Variants in CTSW observed in about 807,000 individuals in gnomAD.
CTSW encodes cathepsin W.
Under a neutral mutation model 43.8 loss-of-function variants are expected in CTSW, and 42 were observed. That is an observed-to-expected ratio of 0.96 (90% CI 0.75 to 1.24). The LOEUF is 1.24. Ranked by LOEUF, CTSW falls within the 50% of genes most tolerant of loss-of-function variation. The probability of loss-of-function intolerance (pLI) is 0.00; values close to 1 mark genes in which losing one functional copy is unlikely to be tolerated. For missense variants in CTSW, 475 were observed against 479.9 expected (o/e 0.99, Z 0.09); for synonymous variants, 191 against 184.8 (o/e 1.03, Z -0.27).
At chr11:65,880,844 C>T (rs1381198627) in intron 2 of CTSW, among the ~76,000 whole-genome samples, 3 of 152,308 alleles carry the variant, frequency 2.0e-5, no homozygotes, top group Non-Finnish European at 2.9e-5. Context: ...CACTTCCCTG[C>T]GATTCTAGGC....
Position 65,883,544 on chromosome 11 carries a change from G to C in CTSW, c.1057G>C (p.Gly353Arg), listed in dbSNP as rs146793613. Residue 353 changes from glycine (G) to arginine (R), a missense_variant, in exon 10 of 10, where the codon GGC (glycine) becomes CGC (arginine). Physicochemically the swap from Gly to Arg is moderately radical, Grantham distance 125. Transcript: ENST00000307886. Reference protein sequence around the residue: ...FRLHRGSNTCGITKFPLTARV... With the variant: ...FRLHRGSNTCRITKFPLTARV... The stretch of plus-strand genomic sequence containing the variant: ...GCTGCACCGAGGGAGCAATACCTGT[G>C]GCATCACCAAGTTCCCGCTCACTGC... 6 of 1,613,940 alleles carry C rather than the reference G, an allele frequency of 3.7e-6. No individual in the cohort carries two copies. The African/African-American group carries it at 6.7e-5, about 18-fold the overall frequency.
chr11:65,880,175 C>T, intron 1 of CTSW, 27 bp from the exon 2 acceptor site: 1 of 1,598,268 alleles, frequency 6.3e-7, no homozygotes, highest in African/African-American at 1.3e-5. Flanking sequence ...TGCCCACTGC[C>T]CCTCTCCACC....
At chr11:65,881,629 A>T in intron 3 of CTSW, 109 bp downstream of exon 3, 2 of 720,702 alleles carry the variant, frequency 2.8e-6, no homozygotes. Flanking sequence ...AGGGAAGGAA[A>T]TTCATTTCCC....
intron 3 of CTSW, 69 bp downstream of exon 3, chr11:65,881,589 G>C (rs1860106434): frequency 9.9e-7 from 1 of 1,014,894 alleles, no homozygotes; most frequent in Admixed American, 2.6e-5. Context: ...CTGGCAGCTG[G>C]ACCCAGCGGA....
rs774219348 is a variant in CTSW at position 65,879,922 on chromosome 11, G to C, written c.68G>C (p.Arg23Thr). The change falls in exon 1 of 10, where the codon AGA (arginine) becomes ACA (threonine). Residue 23 changes from arginine (R) to threonine (T), a missense_variant. By Grantham distance (71) the Arg-to-Thr change is moderately conservative. Transcript: ENST00000307886. Reference protein sequence around the residue: ...LLVAGLAQGIRGPLRAQDLGP... With the variant: ...LLVAGLAQGITGPLRAQDLGP... Reference sequence around the variant, plus strand: ...GTGGCAGGCCTAGCCCAAGGCATCAGAGGCCCCCTTAGGGCCCAGGTAAGT... The same window carrying C: ...GTGGCAGGCCTAGCCCAAGGCATCACAGGCCCCCTTAGGGCCCAGGTAAGT... The C allele has an allele frequency of 6.2e-6, 10 of 1,613,492 alleles. No individual in the cohort carries two copies. The East Asian group carries it at 1.3e-4, about 22-fold the overall frequency.
At chr11:65,880,009 C>T (rs79235845) in intron 1 of CTSW, 68 bp downstream of exon 1, 7 of 1,407,452 alleles carry the variant, frequency 5.0e-6, no homozygotes, top group South Asian at 2.4e-5. Flanking sequence ...AAACAGCTGG[C>T]CTGTCATTCT....
chr11:65,882,260 A>G lies in CTSW; in HGVS notation c.372A>G (p.Pro124=). Residue 124 remains proline (P), a synonymous_variant, in exon 4 of 10, where the codon CCA becomes CCG. Transcript: ENST00000307886. ...GCAGAGAAATAAGGTCTGAAGAGCC[A>G]GAGGAGTCAGTACCTTTCAGCTGTG... is the stretch of plus-strand genomic sequence containing the variant. ...SMGREIRSEE[P]EESVPFSCDW... is the part of the protein sequence containing the mutation. The G allele has an allele frequency of 6.2e-7, 1 of 1,614,210 alleles. No individual in the cohort carries two copies. The highest frequency in any genetic ancestry group is 1.6e-4 in the Middle Eastern group (1 of 6,062).
chr11:65,880,934 ACTT>A (rs1265281318), intron 2 of CTSW, among the ~76,000 whole-genome samples: 3 of 151,936 alleles, frequency 2.0e-5, no homozygotes, highest in African/African-American at 4.8e-5. Context: ...CACATTGGGG[ACTT>A]CTTCTCTAGC....
rs35994027 is a variant in CTSW, at chr11:65,882,370, G to A, written c.441+41G>A. On this transcript the variant is annotated intron_variant, in intron 4 of 9. Transcript: ENST00000307886. Reference sequence around the variant, plus strand: ...CAGCTGGCTCTAATTCAGCTAAGTGGTGGGAGGGAGAGGGGCACGGCCCGA... The same window carrying A: ...CAGCTGGCTCTAATTCAGCTAAGTGATGGGAGGGAGAGGGGCACGGCCCGA... 1.9e-3 allele frequency: 3,001 copies of A among 1,613,840 alleles called. 5 individuals are homozygous for A. Among genetic ancestry groups the A allele is most frequent in the Non-Finnish European group, 2.3e-3 (2,662 of 1,179,788 alleles).
intron 2 of CTSW, among the ~76,000 whole-genome samples, chr11:65,880,778 C>T (rs1399124491): frequency 1.3e-5 from 2 of 152,186 alleles, no homozygotes; most frequent in South Asian, 4.1e-4. Flanking sequence ...ATCTGGAGGG[C>T]AGTGGCAGGA....
Position 65,880,033 on chromosome 11 carries a change from G to A in CTSW, c.87+92G>A, listed in dbSNP as rs911621660. Reference sequence around the variant, plus strand: ...GCCTGTCATTCTCATTTTTCAGAGGGAGTTGCTGAGGCTGGAGAGGGGGCT... The same window carrying A: ...GCCTGTCATTCTCATTTTTCAGAGGAAGTTGCTGAGGCTGGAGAGGGGGCT... On this transcript the variant is annotated intron_variant, in intron 1 of 9. Transcript: ENST00000307886. 3.1e-6 allele frequency: 4 copies of A among 1,305,040 alleles called. No homozygotes were observed. The South Asian group carries it at 3.8e-5, about 12-fold the overall frequency. 80.8% of individuals were successfully genotyped at this position (1,305,040 alleles called of 1,614,324 possible). A position where few individuals can be genotyped will look rare whatever the true frequency, so the allele number is the denominator to read the frequency against.
chr11:65,880,037 T>C (rs1242207354), intron 1 of CTSW, 96 bp downstream of exon 1: 1 of 1,291,776 alleles, frequency 7.7e-7, no homozygotes, highest in Non-Finnish European at 1.1e-6. Context: ...CAGAGGGAGT[T>C]GCTGAGGCTG....
chr11:65,883,684 G>A lies in CTSW; in HGVS notation c.*66G>A, dbSNP rs912455220. The stretch of plus-strand genomic sequence containing the variant: ...GCCTCCTTGCCAGCCCCACCCCCAG[G>A]TTTTTGCCCATCCTCCCAATCTCAA... On this transcript the variant is annotated 3_prime_UTR_variant, in exon 10 of 10. Coordinates refer to ENST00000307886, the MANE Select transcript of CTSW (RefSeq NM_001335.4). The A allele has an allele frequency of 2.7e-6, 4 of 1,464,896 alleles. No individual in the cohort carries two copies. In the African/African-American group the frequency reaches 5.5e-5, roughly 20 times the overall value. The allele number at this position is 1,464,896 out of a possible 1,614,324, so 90.7% of individuals were successfully genotyped here.
Position 65,882,505 on chromosome 11 carries a change from T to G in CTSW, c.517T>G (p.Phe173Val), listed in dbSNP as rs1328724762. The change falls in exon 5 of 10, where the codon TTT (phenylalanine) becomes GTT (valine). Residue 173 changes from phenylalanine to valine, a missense_variant. By Grantham distance (50) the Phe-to-Val change is conservative (BLOSUM62 -1). Transcript: ENST00000307886. ...CCTGTGGCGCATCAGTTTCTGGGAT[T>G]TTGTGGATGTCTCCGTGCAGGGTAG... ...ETLWRISFWDFVDVSVQELLD... is the reference protein window; with the variant it reads ...ETLWRISFWDVVDVSVQELLD... 2 of 1,614,160 alleles carry G rather than the reference T, an allele frequency of 1.2e-6. No individual in the cohort carries two copies. Among genetic ancestry groups the G allele is most frequent in the South Asian group, 2.2e-5 (2 of 91,078 alleles).
chr11:65,882,438 C>T lies in CTSW; in HGVS notation c.450C>T (p.Cys150=), dbSNP rs1403302181. The change falls in exon 5 of 10, where the codon TGC becomes TGT. Residue 150 remains cysteine (C), a synonymous_variant. Transcript: ENST00000307886. ...ACCCTCTCGCCCTCCAGAAAAACTGCAACTGCTGCTGGGCCATGGCAGCGG... is the reference window on the plus strand; with the variant it reads ...ACCCTCTCGCCCTCCAGAAAAACTGTAACTGCTGCTGGGCCATGGCAGCGG... The part of the protein sequence containing the change: ...AISPIKDQKN[C]NCCWAMAAAG... 3.1e-6 allele frequency: 5 copies of T among 1,614,172 alleles called. No individual in the cohort carries two copies. The highest frequency in any genetic ancestry group is 1.1e-5 in the South Asian group (1 of 91,070).
chr11:65,882,812 A>G lies in CTSW; in HGVS notation c.653A>G (p.Gln218Arg), dbSNP rs606830. ...GCCAGTGAAAAGGACTACCCGTTCC[A>G]GGGCAAAGTCAGAGCCCACAGGTGC... ...GLASEKDYPFQGKVRAHRCHP... is the reference protein window; with the variant it reads ...GLASEKDYPFRGKVRAHRCHP... The change falls in exon 7 of 10, where the codon CAG (glutamine) becomes CGG (arginine). Residue 218 changes from glutamine to arginine, a missense_variant. By Grantham distance (43) the Gln-to-Arg change is conservative. Coordinates refer to ENST00000307886, the MANE Select transcript of CTSW (RefSeq NM_001335.4). 3.7e-4 allele frequency: 598 copies of G among 1,614,060 alleles called. 1 individual carries two copies. Among genetic ancestry groups the G allele is most frequent in the Non-Finnish European group, 4.8e-4 (572 of 1,180,040 alleles).
In CTSW at chr11:65,879,919, T is replaced by C. The variant is rs1860084604; in HGVS notation, c.65T>C (p.Ile22Thr). The C allele has an allele frequency of 6.2e-7, 1 of 1,613,490 alleles. No homozygotes were observed. Among genetic ancestry groups the C allele is most frequent in the African/African-American group, 1.3e-5 (1 of 74,920 alleles). ...ALLVAGLAQG[I>T]RGPLRAQDLG... is the part of the protein sequence containing the mutation. ...TTGGTGGCAGGCCTAGCCCAAGGCA[T>C]CAGAGGCCCCCTTAGGGCCCAGGTA... The change falls in exon 1 of 10, where the codon ATC becomes ACC. Residue 22 changes from isoleucine to threonine, a missense_variant. Physicochemically the swap from Ile to Thr is moderately conservative, Grantham distance 89. Transcript: ENST00000307886.
At chr11:65,880,502 G>T (rs1204351135) in intron 2 of CTSW, 3 of 414,064 alleles carry the variant, frequency 7.2e-6, no homozygotes, top group Non-Finnish European at 1.3e-5. Context: ...TACATTTTTA[G>T]TAGAGATGGG....
Position 65,881,388 on chromosome 11 carries a change from C to T in CTSW, c.173-19C>T. 1.9e-6 allele frequency: 3 copies of T among 1,556,938 alleles called. No homozygotes were observed. The highest frequency in any genetic ancestry group is 2.6e-6 in the Non-Finnish European group (3 of 1,143,856). ...TAAGGGCTTGGGAGTCAGCCTAGGA[C>T]AACTCCCTTTTGGTCCAGAGCATGC... On this transcript the variant is annotated intron_variant, in intron 2 of 9. Coordinates refer to ENST00000307886, the MANE Select transcript of CTSW (RefSeq NM_001335.4).
Sources: allele counts gnomAD v4.1 joint callset (sites outside exome capture counted in the v4.1 genomes callset), GRCh38; gene constraint gnomAD v4.1.1; transcripts MANE v1.5; gene names NCBI Gene and HGNC (gene_info 2026-07-23, HGNC 2026-07-21).